Variants in IL6R observed in about 807,000 individuals in gnomAD.
IL6R encodes the protein interleukin 6 receptor.
Under a neutral mutation model 48.3 loss-of-function variants are expected in IL6R, and 38 were observed. That is an observed-to-expected ratio of 0.79 (90% CI 0.61 to 1.03). The LOEUF (loss-of-function observed/expected upper bound fraction) is 1.03, where lower values mean the gene tolerates loss of function less well. Among genes scored for constraint, IL6R ranks in the 50% least tolerant of loss-of-function variants. IL6R has a pLI of 0.00. For synonymous variants in IL6R, 264 were observed against 256.2 expected (o/e 1.03, Z -0.29); for missense variants, 534 against 618.3 (o/e 0.86, Z 1.45).
At chr1:154,459,236 T>C (rs748452237) in intron 9 of IL6R, among the ~76,000 whole-genome samples, 3 of 152,242 alleles carry the variant, frequency 2.0e-5, no homozygotes, top group Admixed American at 6.5e-5. Flanking sequence ...CTGCTGATGA[T>C]GCTTGGACAC....
chr1:154,448,938 C>G (rs1266923777), intron 7 of IL6R, among the ~76,000 whole-genome samples: 1 of 119,264 alleles, frequency 8.4e-6, no homozygotes, highest in East Asian at 2.6e-4. Flanking sequence ...CCAGGTGGGA[C>G]TGCGGACTGC....
chr1:154,458,079 G>A (rs1213529915), intron 9 of IL6R, among the ~76,000 whole-genome samples: 1 of 149,574 alleles, frequency 6.7e-6, no homozygotes, highest in African/African-American at 2.5e-5. Flanking sequence ...CCATTCTCCC[G>A]CCTCAGCCTC....
In IL6R at chr1:154,468,289, G is replaced by C. The variant is rs1023012852; in HGVS notation, c.*2909G>C. 1 of 152,224 alleles carries C rather than the reference G, an allele frequency of 6.6e-6. No homozygotes were observed. Among genetic ancestry groups the C allele is most frequent in the Non-Finnish European group, 1.5e-5 (1 of 68,074 alleles). The allele number at this position is 152,224 out of a possible 1,614,324, so 9.4% of individuals were successfully genotyped here. Reference sequence around the variant, plus strand: ...GTTTCTGCAGCACCCCCACTGCCTTGAGTCCCCAGCAGTGCTGTTATTTGC... The same window carrying C: ...GTTTCTGCAGCACCCCCACTGCCTTCAGTCCCCAGCAGTGCTGTTATTTGC... On this transcript the variant is annotated 3_prime_UTR_variant, in exon 10 of 10. Coordinates refer to ENST00000368485, the MANE Select transcript of IL6R (RefSeq NM_000565.4).
chr1:154,433,185 G>A (rs1263200733), intron 3 of IL6R, among the ~76,000 whole-genome samples: 3 of 152,208 alleles, frequency 2.0e-5, no homozygotes, highest in African/African-American at 7.2e-5. Flanking sequence ...ACTCAGCCTG[G>A]AAAGGTTGGG....
At chr1:154,413,734 C>T (rs1396238464) in intron 1 of IL6R, among the ~76,000 whole-genome samples, 2 of 147,822 alleles carry the variant, frequency 1.4e-5, no homozygotes, top group South Asian at 2.1e-4. Flanking sequence ...TTATTGTTTA[C>T]AGGAGCTCTT....
chr1:154,465,286 G>A lies in IL6R; in HGVS notation c.1313G>A (p.Gly438Glu), dbSNP rs983176795. 3.7e-6 allele frequency: 6 copies of A among 1,613,984 alleles called. No individual in the cohort carries two copies. Among genetic ancestry groups the A allele is most frequent in the Non-Finnish European group, 5.1e-6 (6 of 1,180,038 alleles). The change falls in exon 10 of 10, where the codon GGG becomes GAG. Residue 438 changes from glycine to glutamate, a missense_variant. By Grantham distance (98) the Gly-to-Glu change is moderately conservative (BLOSUM62 -2). Coordinates refer to ENST00000368485, the MANE Select transcript of IL6R (RefSeq NM_000565.4). ...ISPPVSPSSL[G>E]SDNTSSHNRP... is the part of the protein sequence containing the mutation. ...CCACCGGTGTCCCCCAGCAGCCTGG[G>A]GTCTGACAATACCTCGAGCCACAAC...
intron 1 of IL6R, among the ~76,000 whole-genome samples, chr1:154,407,626 C>T (rs1051116778): frequency 1.3e-5 from 2 of 152,174 alleles, no homozygotes; most frequent in Non-Finnish European, 2.9e-5. Context: ...TGAGATGTTT[C>T]GCTTTAGAGA....
chr1:154,454,720 A>G, intron 9 of IL6R, 139 bp downstream of exon 9: 1 of 668,686 alleles, frequency 1.5e-6, no homozygotes. Flanking sequence ...CACAACACAC[A>G]CAACACCTAC....
chr1:154,419,450 A>T (rs1688527188), intron 1 of IL6R, among the ~76,000 whole-genome samples: 1 of 152,174 alleles, frequency 6.6e-6, no homozygotes, highest in Admixed American at 6.5e-5. Flanking sequence ...GCTTCTCAGC[A>T]CCCACCTACT....
intron 1 of IL6R, chr1:154,414,731 G>A (rs1337464403): frequency 2.5e-6 from 2 of 805,426 alleles, no homozygotes; most frequent in African/African-American, 1.7e-5. Flanking sequence ...AGGGACACAG[G>A]GTTTTTGGTG....
In IL6R at chr1:154,465,475, CA is replaced by C; in HGVS notation, c.*96del. ...TTCTCACTGCCATGCCAGCTTATCT[CA>C]GGGGTGTGCGGCCTTTGGCTTCACG... is the stretch of plus-strand genomic sequence containing the variant. On this transcript the variant is annotated 3_prime_UTR_variant, in exon 10 of 10. Transcript: ENST00000368485. 7.0e-7 allele frequency: 1 copy of C among 1,435,006 alleles called. No individual in the cohort carries two copies. The highest frequency in any genetic ancestry group is 1.8e-4 in the Middle Eastern group (1 of 5,566). 88.9% of individuals were successfully genotyped at this position (1,435,006 alleles called of 1,614,324 possible).
At chr1:154,428,954 T>C (rs1570950138) in intron 1 of IL6R, among the ~76,000 whole-genome samples, 1 of 150,708 alleles carries the variant, frequency 6.6e-6, no homozygotes, top group South Asian at 2.1e-4. Flanking sequence ...CCTTGAAGGG[T>C]TTTCTAATCC....
chr1:154,448,956 C>G (rs1256806724), intron 7 of IL6R, among the ~76,000 whole-genome samples: 1 of 130,528 alleles, frequency 7.7e-6, no homozygotes, highest in Non-Finnish European at 1.6e-5. Context: ...TGCAGTGGCG[C>G]AATCTTGGCT....
intron 1 of IL6R, among the ~76,000 whole-genome samples, chr1:154,415,930 A>C (rs1406117907): frequency 6.6e-6 from 1 of 152,088 alleles, no homozygotes; most frequent in Non-Finnish European, 1.5e-5. Flanking sequence ...GTGCCACTGC[A>C]CTCCAGCCTG....
At position 154,430,557 on chromosome 1, in the gene IL6R, C is replaced by T. The variant is rs576589094; in HGVS notation, c.409C>T (p.Arg137Trp). The T allele has an allele frequency of 2.4e-5, 38 of 1,614,018 alleles. No homozygotes were observed. Among genetic ancestry groups the T allele is most frequent in the African/African-American group, 4.0e-5 (3 of 74,912 alleles). The part of the protein sequence containing the change: ...LSNVVCEWGP[R>W]STPSLTTKAV... ...CAATGTTGTTTGTGAGTGGGGTCCT[C>T]GGAGCACCCCATCCCTGACGACAAA... The change falls in exon 3 of 10, where the codon CGG (arginine) becomes TGG (tryptophan). Residue 137 changes from arginine (R) to tryptophan (W), a missense_variant. By Grantham distance (101) the Arg-to-Trp change is moderately radical. Coordinates refer to ENST00000368485, the MANE Select transcript of IL6R (RefSeq NM_000565.4).
chr1:154,455,372 A>G (rs940928218), intron 9 of IL6R, among the ~76,000 whole-genome samples: 3 of 151,856 alleles, frequency 2.0e-5, no homozygotes, highest in African/African-American at 7.3e-5. Flanking sequence ...AAGAGGTGGG[A>G]GGATTTTAGG....
chr1:154,405,587 G>A lies in IL6R; in HGVS notation c.-43G>A. ...CCTGCCGCCCGGTTCCCATTAGCCT[G>A]TCCGCCTCTGCGGGACCATGGAGTG... is the stretch of plus-strand genomic sequence containing the variant. On this transcript the variant is annotated 5_prime_UTR_variant, in exon 1 of 10. Coordinates refer to ENST00000368485, the MANE Select transcript of IL6R (RefSeq NM_000565.4). The surrounding 1 kb of genome is among the most constrained non-coding windows in gnomAD (Gnocchi z 5.2). 7.5e-7 allele frequency: 1 copy of A among 1,326,874 alleles called. No individual in the cohort carries two copies. Among genetic ancestry groups the A allele is most frequent in the East Asian group, 4.0e-5 (1 of 24,792 alleles). The allele number at this position is 1,326,874 out of a possible 1,614,324, so 82.2% of individuals were successfully genotyped here.
rs546947043 is a variant in IL6R at position 154,455,688 on chromosome 1, G to A, written c.1160+1107G>A. Reference sequence around the variant, plus strand: ...AGGATGGTCTCGATCTCCTGACCTCGTGATCCGCCTGCCTCAGCCTCCCAA... The same window carrying A: ...AGGATGGTCTCGATCTCCTGACCTCATGATCCGCCTGCCTCAGCCTCCCAA... On this transcript the variant is annotated intron_variant, in intron 9 of 9. Coordinates refer to ENST00000368485, the MANE Select transcript of IL6R (RefSeq NM_000565.4). Among the ~76,000 whole-genome samples, 1,465 of 150,962 alleles carry A rather than the reference G, an allele frequency of 9.7e-3. 28 individuals carry two copies. The highest frequency in any genetic ancestry group is 0.034 in the African/African-American group (1,394 of 41,290).
intron 1 of IL6R, among the ~76,000 whole-genome samples, chr1:154,407,833 C>G (rs879267308): frequency 2.0e-5 from 3 of 152,154 alleles, no homozygotes; most frequent in Non-Finnish European, 2.9e-5. Context: ...AGGCTTCTGC[C>G]GGTTCCAACA....
Sources: gnomAD v4.1 joint callset for allele counts (sites outside exome capture counted in the v4.1 genomes callset) on GRCh38, gnomAD v4.1.1 for gene constraint, Gnocchi (gnomAD v3.1) non-coding constraint, MANE v1.5 for transcripts, NCBI Gene and HGNC (gene_info 2026-07-23, HGNC 2026-07-21) for gene names.